Variants in HRH1 observed in about 807,000 individuals in gnomAD.
The protein encoded by HRH1 is histamine H1 receptor.
In HRH1, 6 loss-of-function variants were observed where a neutral mutation model predicts 10.3. That is an observed-to-expected ratio of 0.58 (90% CI 0.32 to 1.15). The LOEUF is 1.15. Among genes scored for constraint, HRH1 ranks in the 50% most tolerant of loss-of-function variants. HRH1 has a pLI of 0.05. For synonymous variants in HRH1, 242 were observed against 236.7 expected, an observed-to-expected ratio of 1.02 and a Z score of -0.21; for missense variants, 514 against 615.3, an observed-to-expected ratio of 0.84 and a Z score of 1.74.
intron 1 of HRH1, among the ~76,000 whole-genome samples, chr3:11,218,887 C>CTTAT (rs947471939): frequency 2.7e-5 from 4 of 149,912 alleles, no homozygotes; most frequent in South Asian, 4.2e-4. Flanking sequence ...TGTTTATTTA[C>CTTAT]TTATTTATTT....
intron 1 of HRH1, among the ~76,000 whole-genome samples, chr3:11,165,206 C>G (rs1217101037): frequency 6.6e-6 from 1 of 152,164 alleles, no homozygotes; most frequent in Non-Finnish European, 1.5e-5. Context: ...GCTGCAAAGC[C>G]CCTCAAGGTA....
chr3:11,261,947 G>A lies in HRH1; in HGVS notation c.*1446G>A, dbSNP rs1396296504. ...CTCAAAATGATATGTTTGAGTAGACGAACAGCTGACATGGAGTTCCCGTGC... is the reference window on the plus strand; with the variant it reads ...CTCAAAATGATATGTTTGAGTAGACAAACAGCTGACATGGAGTTCCCGTGC... On this transcript the variant is annotated 3_prime_UTR_variant, in exon 2 of 2. Coordinates refer to ENST00000431010, the MANE Select transcript of HRH1 (RefSeq NM_001098212.2). 3 of 167,060 alleles carry A rather than the reference G, an allele frequency of 1.8e-5. No homozygotes were observed. Among genetic ancestry groups the A allele is most frequent in the Non-Finnish European group, 2.9e-5 (2 of 68,124 alleles). 10.3% of individuals were successfully genotyped at this position (167,060 alleles called of 1,614,324 possible).
intron 1 of HRH1, among the ~76,000 whole-genome samples, chr3:11,158,944 G>C (rs1231382560): frequency 6.6e-6 from 1 of 152,054 alleles, no homozygotes; most frequent in East Asian, 1.9e-4. Flanking sequence ...TAAGACCTTA[G>C]TACAATAATG....
chr3:11,218,728 C>T (rs1228164495), intron 1 of HRH1, among the ~76,000 whole-genome samples: 2 of 151,538 alleles, frequency 1.3e-5, no homozygotes, highest in African/African-American at 4.9e-5. Context: ...GCGTGGGCCA[C>T]CACGCCCAGC....
intron 1 of HRH1, among the ~76,000 whole-genome samples, chr3:11,239,211 C>T (rs1434116862): frequency 5.3e-5 from 8 of 152,176 alleles, no homozygotes; most frequent in Admixed American, 5.2e-4. Flanking sequence ...CATCCTAGTC[C>T]ATGTGAAGTG....
chr3:11,202,438 T>TAAATAAATAAATAAATAAATAAATAAA (rs58125465), intron 1 of HRH1, among the ~76,000 whole-genome samples: 1 of 133,554 alleles, frequency 7.5e-6, no homozygotes, highest in African/African-American at 2.8e-5. Context: ...AAATAAATAA[T>TAAATAAATAAATAAATAAATAAATAAA]TAATTAAAAA....
chr3:11,151,497 T>C (rs761303708), upstream of HRH1, among the ~76,000 whole-genome samples: 1 of 135,754 alleles, frequency 7.4e-6, no homozygotes. Context: ...AATTCCTTTT[T>C]TGGGGGGGCG....
intron 1 of HRH1, among the ~76,000 whole-genome samples, chr3:11,178,460 C>T (rs1457215751): frequency 6.6e-6 from 1 of 152,226 alleles, no homozygotes; most frequent in African/African-American, 2.4e-5. Flanking sequence ...TTTACAGTTT[C>T]TGCGCAACCC....
In HRH1 at chr3:11,241,901, T is replaced by TAAAACGCACCAATCAGCACTCTGC. The variant is rs1384778995; in HGVS notation, c.-35-17097_-35-17074dup. On this transcript the variant is annotated intron_variant, in intron 1 of 1. Coordinates refer to ENST00000431010, the MANE Select transcript of HRH1 (RefSeq NM_001098212.2). ...ATAAAACACACCAATCAGCGCTCTG[T>TAAAACGCACCAATCAGCACTCTGC]AAAACGCACCAATCAGCACTCTGCA... is the stretch of plus-strand genomic sequence containing the variant. Among the ~76,000 whole-genome samples, 42 of 150,526 alleles carry TAAAACGCACCAATCAGCACTCTGC rather than the reference T, an allele frequency of 2.8e-4. No homozygotes were observed. The East Asian group carries it at 4.3e-3, about 15-fold the overall frequency.
chr3:11,137,859 G>A (rs1041998545), intron 1 of HRH1, among the ~76,000 whole-genome samples: 6 of 152,052 alleles, frequency 3.9e-5, no homozygotes, highest in African/African-American at 9.7e-5. Context: ...TTGTTATGGC[G>A]GGAGAGTATC....
chr3:11,241,404 A>G (rs1939331730), intron 1 of HRH1, among the ~76,000 whole-genome samples: 2 of 152,036 alleles, frequency 1.3e-5, no homozygotes, highest in Non-Finnish European at 2.9e-5. Context: ...AGCCAGCTGG[A>G]CTCCCTGGGT....
intron 1 of HRH1, among the ~76,000 whole-genome samples, chr3:11,219,765 T>TTCAATCAA (rs549004255): frequency 2.3e-4 from 34 of 147,062 alleles, no homozygotes; most frequent in African/African-American, 7.8e-4. Context: ...TGTGTAACAA[T>TTCAATCAA]TCAATCAATG....
intron 1 of HRH1, among the ~76,000 whole-genome samples, chr3:11,163,095 C>T (rs1459096941): frequency 6.6e-6 from 1 of 152,132 alleles, no homozygotes; most frequent in Non-Finnish European, 1.5e-5. Context: ...CCACTGCCTT[C>T]TTGCCCTTCT....
At chr3:11,254,492 C>T (rs1042506383) in intron 1 of HRH1, among the ~76,000 whole-genome samples, 1 of 152,206 alleles carries the variant, frequency 6.6e-6, no homozygotes, top group African/African-American at 2.4e-5. Flanking sequence ...TACTTCACTG[C>T]CCCCAAGGTT....
chr3:11,138,180 A>ATTTTTTTTTTTTTTTTT (rs746775307), intron 1 of HRH1, among the ~76,000 whole-genome samples: 3 of 135,578 alleles, frequency 2.2e-5, no homozygotes, highest in African/African-American at 2.7e-5. Context: ...ACGTTTGGCT[A>ATTTTTTTTTTTTTTTTT]TTTTTTTTTT....
Position 11,167,222 on chromosome 3 carries a change from A to T in HRH1, c.-36+12668A>T, listed in dbSNP as rs554493485. Among the ~76,000 whole-genome samples, 1,062 of 140,600 alleles carry T rather than the reference A, an allele frequency of 7.6e-3. 8 individuals carry two copies. The highest frequency in any genetic ancestry group is 0.028 in the African/African-American group (993 of 35,208). The allele number at this position is 140,600 out of a possible 152,430, so 92.2% of individuals were successfully genotyped here. On this transcript the variant is annotated intron_variant, in intron 1 of 1. Coordinates refer to ENST00000431010, the MANE Select transcript of HRH1 (RefSeq NM_001098212.2). ...ACATCTGCTGTCCCCTGGCTTCTCC[A>T]GGCCCGTGACATCTGCTGTCCCCTG...
intron 1 of HRH1, among the ~76,000 whole-genome samples, chr3:11,166,332 C>T (rs988541010): frequency 3.3e-5 from 5 of 152,208 alleles, no homozygotes; most frequent in African/African-American, 7.2e-5. Flanking sequence ...CCAAGTTCCC[C>T]GGTCCATGCA....
chr3:11,260,231 A>C lies in HRH1; in HGVS notation c.1194A>C (p.Ser398=), dbSNP rs1939913879. The C allele has an allele frequency of 6.2e-7, 1 of 1,614,168 alleles. No homozygotes were observed. Among genetic ancestry groups the C allele is most frequent in the Non-Finnish European group, 8.5e-7 (1 of 1,180,042 alleles). The part of the protein sequence containing the change: ...KFTWKRLRSH[S]RQYVSGLHMN... ...CTTGGAAGAGGCTCCGCTCGCATTC[A>C]AGACAGTATGTATCTGGGTTGCACA... The change falls in exon 2 of 2, where the codon TCA becomes TCC. Residue 398 remains serine (S), a synonymous_variant. Transcript: ENST00000431010.
chr3:11,234,562 T>G, intron 1 of HRH1: 2 of 1,441,004 alleles, frequency 1.4e-6, no homozygotes, highest in South Asian at 1.1e-5. Context: ...TATCAATCCA[T>G]GCTCCTCGTA....
Sources: gnomAD v4.1 joint callset for allele counts (sites outside exome capture counted in the v4.1 genomes callset) on GRCh38, gnomAD v4.1.1 for gene constraint, MANE v1.5 for transcripts, NCBI Gene and HGNC (gene_info 2026-07-23, HGNC 2026-07-21) for gene names.